Variants in CREB5 observed in about 807,000 individuals in gnomAD.
CREB5 encodes cyclic AMP-responsive element-binding protein 5.
A neutral mutation model predicts 57.1 loss-of-function variants in CREB5; 19 were observed. That is an observed-to-expected ratio of 0.33 (90% CI 0.23 to 0.49). The LOEUF is 0.49. CREB5 is among the 20% of genes least tolerant of loss of function. CREB5 has a pLI of 0.99. For missense variants in CREB5, 579 were observed against 671.6 expected (o/e 0.86, Z 1.52); for synonymous variants, 238 against 238.3 (o/e 1.00, Z 0.01).
chr7:28,326,132 C>A (rs1171245855), intron 1 of CREB5, among the ~76,000 whole-genome samples: 1 of 151,844 alleles, frequency 6.6e-6, no homozygotes, highest in Non-Finnish European at 1.5e-5. Context: ...TCTCAGGAGA[C>A]AGAACTGGTA....
At chr7:28,603,359 G>C (rs923804262) in intron 5 of CREB5, among the ~76,000 whole-genome samples, 1 of 152,152 alleles carries the variant, frequency 6.6e-6, no homozygotes, top group Admixed American at 6.5e-5. Context: ...TGAGAACTTA[G>C]CCAACATGAT....
intron 5 of CREB5, among the ~76,000 whole-genome samples, chr7:28,600,915 T>A (rs1226338186): frequency 6.6e-6 from 1 of 152,184 alleles, no homozygotes; most frequent in Non-Finnish European, 1.5e-5. Context: ...TGTGACAGCC[T>A]CTTTGGCTTC....
intron 4 of CREB5, among the ~76,000 whole-genome samples, chr7:28,517,986 CTAT>C (rs1483467647): frequency 6.6e-6 from 1 of 152,084 alleles, no homozygotes; most frequent in Non-Finnish European, 1.5e-5. Context: ...AACATTCGAG[CTAT>C]TATTCGAGAG....
chr7:28,619,657 C>G (rs1797721969), intron 5 of CREB5, among the ~76,000 whole-genome samples: 1 of 152,038 alleles, frequency 6.6e-6, no homozygotes, highest in African/African-American at 2.4e-5. Context: ...ATAGCAAGAC[C>G]CTCATCTCTA....
At chr7:28,627,472 A>AT (rs199896498) in intron 5 of CREB5, among the ~76,000 whole-genome samples, 2,855 of 152,084 alleles carry the variant, frequency 0.019, 102 homozygotes, top group African/African-American at 0.066. Flanking sequence ...AGGCATCAGT[A>AT]TTTTTTTTAC....
chr7:28,753,506 A>G (rs1413415936), intron 7 of CREB5, among the ~76,000 whole-genome samples: 2 of 152,194 alleles, frequency 1.3e-5, no homozygotes, highest in East Asian at 1.9e-4. Flanking sequence ...TTCTTGTGCT[A>G]TAATCTTCTT....
intron 1 of CREB5, among the ~76,000 whole-genome samples, chr7:28,381,345 C>A (rs958870309): frequency 2.6e-5 from 4 of 152,166 alleles, no homozygotes; most frequent in African/African-American, 9.7e-5. Context: ...GTCACTTAAT[C>A]CTCAGAAGAG....
chr7:28,646,538 A>G (rs1480656089), intron 5 of CREB5, among the ~76,000 whole-genome samples: 1 of 152,210 alleles, frequency 6.6e-6, no homozygotes, highest in Non-Finnish European at 1.5e-5. Context: ...GCAAAAGGTC[A>G]TCCTCTGAGT....
intron 5 of CREB5, among the ~76,000 whole-genome samples, chr7:28,649,816 G>T (rs7780656): frequency 0.21 from 32,556 of 152,102 alleles, 5,250 homozygotes; most frequent in African/African-American, 0.46. Flanking sequence ...TGTTTGGAAT[G>T]ACTTACCTTT....
intron 5 of CREB5, among the ~76,000 whole-genome samples, chr7:28,697,356 C>G (rs967217654): frequency 7.2e-5 from 11 of 152,056 alleles, no homozygotes; most frequent in Admixed American, 7.2e-4. Context: ...ATTCCTTTCC[C>G]CAAACTCTGT....
intron 1 of CREB5, among the ~76,000 whole-genome samples, chr7:28,423,771 GC>G (rs1788377851): frequency 1.3e-5 from 2 of 152,320 alleles, no homozygotes; most frequent in African/African-American, 4.8e-5. Context: ...AAGGTACAGT[GC>G]ATTATTGGGT....
At chr7:28,411,318 A>G (rs1014501730), upstream of CREB5, among the ~76,000 whole-genome samples, 1 of 152,194 alleles carries the variant, frequency 6.6e-6, no homozygotes, top group Non-Finnish European at 1.5e-5. Context: ...TGAAAGGATC[A>G]AGACTAAACG....
In CREB5 at chr7:28,337,368, A is replaced by G. The variant is rs112593139; in HGVS notation, c.-25+37927A>G. On this transcript the variant is annotated intron_variant, in intron 1 of 9. Coordinates refer to the CREB5 transcript ENST00000396299. ...CTAATAATACTTGCTTTATACAACT[A>G]GGTGCTCCAGTATTGGATGCATATA... Among the ~76,000 whole-genome samples the G allele has an allele frequency of 6.4e-3, 973 of 152,116 alleles. 5 individuals are homozygous for G. Among genetic ancestry groups the G allele is most frequent in the African/African-American group, 0.022 (911 of 41,544 alleles).
chr7:28,578,022 G>A (rs1015150740), intron 5 of CREB5, among the ~76,000 whole-genome samples: 12 of 152,324 alleles, frequency 7.9e-5, no homozygotes, highest in African/African-American at 2.9e-4. Flanking sequence ...TTTTGCCAGA[G>A]ACAGTTCTAT....
chr7:28,761,195 C>T (rs1307182063), intron 7 of CREB5, among the ~76,000 whole-genome samples: 3 of 152,018 alleles, frequency 2.0e-5, no homozygotes, highest in Non-Finnish European at 4.4e-5. Flanking sequence ...GAGCATATGC[C>T]CAATGATCCC....
chr7:28,334,767 G>C (rs1243220488), intron 1 of CREB5, among the ~76,000 whole-genome samples: 1 of 152,132 alleles, frequency 6.6e-6, no homozygotes, highest in Non-Finnish European at 1.5e-5. Context: ...TGTTACTCAA[G>C]AAATCTTTGC....
At chr7:28,316,450 G>A (rs759904468) in intron 1 of CREB5, among the ~76,000 whole-genome samples, 4 of 152,152 alleles carry the variant, frequency 2.6e-5, no homozygotes, top group Non-Finnish European at 2.9e-5. Flanking sequence ...GAGCAAAAAG[G>A]AGAGAGGAAA....
chr7:28,466,776 C>A (rs1382585227), intron 1 of CREB5, among the ~76,000 whole-genome samples: 3 of 152,128 alleles, frequency 2.0e-5, no homozygotes, highest in Non-Finnish European at 4.4e-5. Flanking sequence ...TCTCTGAGCC[C>A]CAAGGTCAAG....
At chr7:28,474,342 T>A (rs1170982801) in intron 1 of CREB5, among the ~76,000 whole-genome samples, 1 of 152,174 alleles carries the variant, frequency 6.6e-6, no homozygotes, top group East Asian at 1.9e-4. Context: ...TGGTTTCAAA[T>A]GCGAGATGGG....
Sources: allele counts gnomAD v4.1 joint callset (sites outside exome capture counted in the v4.1 genomes callset), GRCh38; gene constraint gnomAD v4.1.1; transcripts MANE v1.5; gene names NCBI Gene and HGNC (gene_info 2026-07-23, HGNC 2026-07-21).